TMEM135: variants seen among roughly 807,000 people sequenced by gnomAD.
TMEM135 encodes the protein transmembrane protein 135.
TMEM135 carries 30 observed loss-of-function variants against 60.3 expected under a neutral mutation model. That is an observed-to-expected ratio of 0.50 (90% CI 0.37 to 0.68). TMEM135 has a LOEUF of 0.68. TMEM135 is among the 30% of genes least tolerant of loss of function. The pLI, the probability that TMEM135 is intolerant of heterozygous loss-of-function variation, is 0.00. For missense variants in TMEM135, 468 were observed against 548.8 expected (o/e 0.85, Z 1.47); for synonymous variants, 190 against 186.7 (o/e 1.02, Z -0.14).
At chr11:87,209,287 C>G (rs1940307669) in intron 5 of TMEM135, among the ~76,000 whole-genome samples, 1 of 152,136 alleles carries the variant, frequency 6.6e-6, no homozygotes, top group African/African-American at 2.4e-5. Flanking sequence ...ACCCACCTGT[C>G]TACTTTCTTC....
intron 6 of TMEM135, among the ~76,000 whole-genome samples, chr11:87,271,079 G>A (rs973365952): frequency 3.3e-5 from 5 of 151,982 alleles, no homozygotes; most frequent in African/African-American, 1.2e-4. Flanking sequence ...TTTTCATGAA[G>A]CTTGCTATAT....
chr11:87,241,394 A>G (rs1209150814), intron 6 of TMEM135, among the ~76,000 whole-genome samples: 1 of 152,108 alleles, frequency 6.6e-6, no homozygotes, highest in African/African-American at 2.4e-5. Context: ...GTAGGTGTAT[A>G]TACTTACAGG....
chr11:87,323,905 A>G lies in TMEM135; in HGVS notation c.*2572A>G, dbSNP rs1334360684. On this transcript the variant is annotated 3_prime_UTR_variant, in exon 15 of 15. Coordinates refer to ENST00000305494, the MANE Select transcript of TMEM135 (RefSeq NM_022918.4). ...TTTTGCTTCTGTAACTTTTTTCTTG[A>G]ACTATAAGCATAGTCATCACTCAGT... The G allele has an allele frequency of 8.8e-6, 4 of 452,622 alleles. No individual in the cohort carries two copies. Among genetic ancestry groups the G allele is most frequent in the South Asian group, 6.3e-5 (4 of 63,800 alleles). The allele number at this position is 452,622 out of a possible 1,614,324, so 28.0% of individuals were successfully genotyped here.
intron 8 of TMEM135, 126 bp downstream of exon 8, chr11:87,302,568 T>A: frequency 8.2e-7 from 1 of 1,223,502 alleles, no homozygotes; most frequent in East Asian, 2.4e-5. Flanking sequence ...AAACTGTGCA[T>A]AGAATTTTAT....
At chr11:87,312,680 C>T (rs36125179) in intron 10 of TMEM135, among the ~76,000 whole-genome samples, 34,457 of 151,684 alleles carry the variant, frequency 0.23, 4,024 homozygotes, top group South Asian at 0.25. Flanking sequence ...GTAATTTTCA[C>T]ATCATAAGAT....
At chr11:87,276,882 G>A (rs1941977977) in intron 6 of TMEM135, among the ~76,000 whole-genome samples, 1 of 151,772 alleles carries the variant, frequency 6.6e-6, no homozygotes, top group African/African-American at 2.4e-5. Context: ...ATGTTGGCCA[G>A]GCTGGTCTTG....
chr11:87,182,710 GT>G (rs1939549839), intron 5 of TMEM135, among the ~76,000 whole-genome samples: 1 of 151,890 alleles, frequency 6.6e-6, no homozygotes, highest in African/African-American at 2.4e-5. Flanking sequence ...GAAAATTTTT[GT>G]GTTTTTTAAC....
chr11:87,077,986 TTGA>T (rs1389026907), intron 3 of TMEM135, among the ~76,000 whole-genome samples: 51 of 152,220 alleles, frequency 3.4e-4, no homozygotes, highest in Admixed American at 1.4e-3. Flanking sequence ...TATTCATAAG[TTGA>T]TGGAAATTTG....
At chr11:87,189,043 A>C (rs1031910368) in intron 5 of TMEM135, among the ~76,000 whole-genome samples, 11 of 151,394 alleles carry the variant, frequency 7.3e-5, no homozygotes, top group African/African-American at 2.7e-4. Context: ...GTCTGTAATA[A>C]TGCTATTCCT....
chr11:87,319,446 A>G, intron 14 of TMEM135, 69 bp downstream of exon 14: 2 of 1,115,578 alleles, frequency 1.8e-6, no homozygotes, highest in Non-Finnish European at 2.7e-6. Flanking sequence ...ATATTCTTTC[A>G]GTGGTAAAGT....
intron 4 of TMEM135, among the ~76,000 whole-genome samples, chr11:87,155,144 A>G (rs961715706): frequency 2.6e-5 from 4 of 152,138 alleles, no homozygotes; most frequent in African/African-American, 9.7e-5. Context: ...GAGTACAGGC[A>G]TGTGCCACCA....
chr11:87,206,292 GT>G (rs1478994684), intron 5 of TMEM135, among the ~76,000 whole-genome samples: 1 of 152,082 alleles, frequency 6.6e-6, no homozygotes, highest in Non-Finnish European at 1.5e-5. Flanking sequence ...TATATATGTA[GT>G]TGATAGAAAT....
At chr11:87,228,743 G>A (rs911319267) in intron 5 of TMEM135, among the ~76,000 whole-genome samples, 2 of 152,200 alleles carry the variant, frequency 1.3e-5, no homozygotes, top group African/African-American at 4.8e-5. Context: ...AATGTACCAT[G>A]TGTTCAGTTC....
intron 5 of TMEM135, among the ~76,000 whole-genome samples, chr11:87,215,832 A>G (rs1428248809): frequency 1.3e-5 from 2 of 152,100 alleles, no homozygotes; most frequent in Non-Finnish European, 2.9e-5. Flanking sequence ...CTATAACTTC[A>G]TTGTTATTTA....
At chr11:87,109,526 A>T (rs373463536) in intron 4 of TMEM135, among the ~76,000 whole-genome samples, 1 of 152,140 alleles carries the variant, frequency 6.6e-6, no homozygotes, top group East Asian at 1.9e-4. Context: ...GCATGAGGAG[A>T]TGAAGTGAGG....
rs1949718659 is a variant in TMEM135 at position 87,038,064 on chromosome 11, T to G, written c.19T>G (p.Ser7Ala). 6.2e-7 allele frequency: 1 copy of G among 1,613,926 alleles called. No homozygotes were observed. The highest frequency in any genetic ancestry group is 1.1e-5 in the South Asian group (1 of 91,072). The change falls in exon 1 of 15, where the codon TCC becomes GCC. Residue 7 changes from serine (S) to alanine (A), a missense_variant. Transcript: ENST00000305494. ...CCTCGTCATGGCGGCCCTCAGCAAG[T>G]CCATCCCTCATAACTGCTATGAGAT... is the stretch of plus-strand genomic sequence containing the variant. MAALSK[S>A]IPHNCYEIGH... is the part of the protein sequence containing the mutation.
chr11:87,150,889 C>T (rs768291506), intron 4 of TMEM135, among the ~76,000 whole-genome samples: 38 of 151,742 alleles, frequency 2.5e-4, no homozygotes, highest in Non-Finnish European at 4.7e-4. Flanking sequence ...TGCTTGTGGC[C>T]GTAGGTAGAT....
chr11:87,196,855 A>T (rs931387406), intron 5 of TMEM135, among the ~76,000 whole-genome samples: 12 of 151,714 alleles, frequency 7.9e-5, no homozygotes, highest in Non-Finnish European at 1.0e-4. Flanking sequence ...AGAATTTTTT[A>T]AAAAGTTACT....
Position 87,171,111 on chromosome 11 carries a change from A to G in TMEM135, c.462+13705A>G, listed in dbSNP as rs567108896. On this transcript the variant is annotated intron_variant, in intron 5 of 14. Coordinates refer to ENST00000305494, the MANE Select transcript of TMEM135 (RefSeq NM_022918.4). ...ACAATATGAAAAGGGGCATAGTTGA[A>G]GATTAAAGTGAGGTACTAGGGACAG... Among the ~76,000 whole-genome samples, 3 of 152,252 alleles carry G rather than the reference A, an allele frequency of 2.0e-5. No individual in the cohort carries two copies. In the South Asian group the frequency reaches 6.2e-4, roughly 32 times the overall value.
Sources: allele counts gnomAD v4.1 joint callset (sites outside exome capture counted in the v4.1 genomes callset), GRCh38; gene constraint gnomAD v4.1.1; transcripts MANE v1.5; gene names NCBI Gene and HGNC (gene_info 2026-07-23, HGNC 2026-07-21).